Variants in FAF1 observed in about 807,000 individuals in gnomAD.
FAF1 encodes Fas associated factor 1.
A neutral mutation model predicts 92.5 loss-of-function variants in FAF1; 25 were observed. The ratio of observed to expected loss-of-function variants is 0.27; its 90% CI spans 0.20 to 0.38. The LOEUF is 0.38. Ranked by LOEUF, FAF1 falls within the 10% of genes least tolerant of loss-of-function variation. FAF1 has a pLI of 1.00. For synonymous variants in FAF1, 234 were observed against 273.2 expected (o/e 0.86, Z 1.42); for missense variants, 636 against 793.3 (o/e 0.80, Z 2.38).
intron 15 of FAF1, among the ~76,000 whole-genome samples, chr1:50,534,633 T>C (rs566836020): frequency 1.3e-5 from 2 of 152,246 alleles, no homozygotes; most frequent in Admixed American, 1.3e-4. Flanking sequence ...CTTATTAAAC[T>C]CTTCTTAAAT....
intron 17 of FAF1, among the ~76,000 whole-genome samples, chr1:50,477,812 G>A (rs1405683511): frequency 5.9e-5 from 9 of 152,274 alleles, no homozygotes; most frequent in Admixed American, 4.6e-4. Context: ...ACAGTGCATA[G>A]CACAAAGTAG....
intron 8 of FAF1, among the ~76,000 whole-genome samples, chr1:50,640,420 G>A (rs1432541064): frequency 1.3e-5 from 2 of 151,808 alleles, no homozygotes; most frequent in African/African-American, 2.4e-5. Context: ...AGCCTCCTGA[G>A]TAGCTGGGAC....
intron 3 of FAF1, among the ~76,000 whole-genome samples, chr1:50,799,150 T>C (rs959222013): frequency 1.1e-4 from 16 of 152,190 alleles, no homozygotes; most frequent in African/African-American, 3.9e-4. Flanking sequence ...AATACCTCAC[T>C]GACTGATCTT....
At chr1:50,924,280 T>C (rs1456177393) in intron 1 of FAF1, among the ~76,000 whole-genome samples, 1 of 5,048 alleles carries the variant, frequency 2.0e-4, no homozygotes, top group African/African-American at 7.8e-4. Context: ...AAGGAACAAT[T>C]TGAAAAAAAA....
At chr1:50,756,648 C>T (rs1020043767) in intron 4 of FAF1, among the ~76,000 whole-genome samples, 4 of 152,166 alleles carry the variant, frequency 2.6e-5, no homozygotes, top group African/African-American at 7.2e-5. Flanking sequence ...ATACCTGAGA[C>T]TGGGTAATTT....
At chr1:50,876,504 G>A (rs1644572833) in intron 1 of FAF1, among the ~76,000 whole-genome samples, 1 of 152,170 alleles carries the variant, frequency 6.6e-6, no homozygotes, top group African/African-American at 2.4e-5. Context: ...GTACACTAAT[G>A]ATGGGGATAC....
chr1:50,939,072 T>C (rs1645109587), intron 1 of FAF1, among the ~76,000 whole-genome samples: 1 of 152,220 alleles, frequency 6.6e-6, no homozygotes, highest in African/African-American at 2.4e-5. Context: ...TCCATGTGAA[T>C]TTTAGAATAG....
chr1:50,905,929 T>A (rs1381902647), intron 1 of FAF1, among the ~76,000 whole-genome samples: 2 of 152,216 alleles, frequency 1.3e-5, no homozygotes, highest in Non-Finnish European at 2.9e-5. Flanking sequence ...TTGCTTTTGG[T>A]GTTTTAGTCA....
chr1:50,482,460 A>G (rs1300757904), intron 17 of FAF1, among the ~76,000 whole-genome samples: 1 of 152,198 alleles, frequency 6.6e-6, no homozygotes, highest in Non-Finnish European at 1.5e-5. Context: ...TATGAATGTA[A>G]ACTGCTTTAT....
chr1:50,819,668 A>ACT (rs1404970798), intron 2 of FAF1, among the ~76,000 whole-genome samples: 6 of 118,886 alleles, frequency 5.0e-5, no homozygotes, highest in South Asian at 2.5e-4. Context: ...ACACACACAC[A>ACT]CTCTCTCTCT....
At chr1:50,484,744 T>C (rs1646743040) in intron 17 of FAF1, among the ~76,000 whole-genome samples, 1 of 152,134 alleles carries the variant, frequency 6.6e-6, no homozygotes, top group African/African-American at 2.4e-5. Flanking sequence ...GAATTTGGAT[T>C]AATAAGTAGA....
intron 1 of FAF1, among the ~76,000 whole-genome samples, chr1:50,918,102 C>T (rs549458117): frequency 1.3e-5 from 2 of 152,122 alleles, no homozygotes; most frequent in African/African-American, 4.8e-5. Flanking sequence ...GCCACCACAC[C>T]CTGCCTATAT....
At chr1:50,790,847 A>C (rs1279660078) in intron 3 of FAF1, among the ~76,000 whole-genome samples, 1 of 152,128 alleles carries the variant, frequency 6.6e-6, no homozygotes, top group Admixed American at 6.5e-5. Flanking sequence ...AGTGTTCATC[A>C]AACTATAGAT....
intron 4 of FAF1, among the ~76,000 whole-genome samples, chr1:50,762,983 C>G (rs1367993571): frequency 6.6e-6 from 1 of 152,160 alleles, no homozygotes; most frequent in South Asian, 2.1e-4. Context: ...AGGCCAGGCG[C>G]GTTGGCTCAT....
In FAF1 at chr1:50,951,799, C is replaced by T. The variant is rs74082110; in HGVS notation, c.45+7968G>A. On this transcript the variant is annotated intron_variant, in intron 1 of 18. Coordinates refer to ENST00000396153, the MANE Select transcript of FAF1 (RefSeq NM_007051.3). ...TGGATACTTAGTTTGGTCCCTAATC[C>T]GCAACATCACAAAAGATATCTGTTT... Among the ~76,000 whole-genome samples, 1,187 of 152,192 alleles carry T rather than the reference C, an allele frequency of 7.8e-3. 12 individuals are homozygous for T. The highest frequency in any genetic ancestry group is 0.028 in the African/African-American group (1,147 of 41,518).
At position 50,959,759 on chromosome 1, in the gene FAF1, T is replaced by C. The variant is rs990459100; in HGVS notation, c.45+8A>G. ...GAAGTGGGAGGGGAAGAGGGCCAGA[T>C]ACTTCACCTGAAAATCCGCCAGGAT... On this transcript the variant is annotated splice_region_variant and intron_variant, in intron 1 of 18. Coordinates refer to ENST00000396153, the MANE Select transcript of FAF1 (RefSeq NM_007051.3). The C allele has an allele frequency of 1.2e-6, 2 of 1,600,036 alleles. No individual in the cohort carries two copies. The highest frequency in any genetic ancestry group is 2.3e-5 in the East Asian group (1 of 43,250).
intron 7 of FAF1, among the ~76,000 whole-genome samples, chr1:50,679,335 A>C (rs892476778): frequency 7.9e-5 from 12 of 151,952 alleles, no homozygotes; most frequent in Admixed American, 2.0e-4. Flanking sequence ...AAAAAAAAGA[A>C]TAGCATTTCA....
At chr1:50,796,981 A>C (rs60788683) in intron 3 of FAF1, among the ~76,000 whole-genome samples, 14,636 of 152,026 alleles carry the variant, frequency 0.096, 735 homozygotes, top group African/African-American at 0.13. Flanking sequence ...ACAAAAAATA[A>C]AAAAATTAGC....
intron 7 of FAF1, among the ~76,000 whole-genome samples, chr1:50,694,030 T>C (rs1468184568): frequency 3.3e-5 from 5 of 150,674 alleles, no homozygotes; most frequent in Admixed American, 6.6e-5. Flanking sequence ...ATGACATATA[T>C]ATGACATATA....
Sources: allele counts gnomAD v4.1 joint callset (sites outside exome capture counted in the v4.1 genomes callset), GRCh38; gene constraint gnomAD v4.1.1; transcripts MANE v1.5; gene names NCBI Gene and HGNC (gene_info 2026-07-23, HGNC 2026-07-21).